Variants in CDADC1 observed in about 807,000 individuals in gnomAD.
CDADC1 encodes cytidine and dCMP deaminase domain containing 1.
A neutral mutation model predicts 54.9 loss-of-function variants in CDADC1; 39 were observed. The ratio of observed to expected loss-of-function variants is 0.71; its 90% CI spans 0.55 to 0.93. The LOEUF (loss-of-function observed/expected upper bound fraction) is 0.93. CDADC1 is among the 40% of genes least tolerant of loss of function. The pLI is 0.00. For synonymous variants in CDADC1, 186 were observed against 204.0 expected (o/e 0.91, Z 0.75); for missense variants, 518 against 618.8 (o/e 0.84, Z 1.73).
In CDADC1 at chr13:49,291,741, G is replaced by A. The variant is rs138113262; in HGVS notation, c.1529G>A (p.Arg510His). The change falls in exon 10 of 10, where the codon CGC (arginine) becomes CAC (histidine). Residue 510 changes from arginine (R) to histidine (H), a missense_variant. Physicochemically the swap from Arg to His is conservative, Grantham distance 29 (BLOSUM62 0). Coordinates refer to ENST00000251108, the MANE Select transcript of CDADC1 (RefSeq NM_030911.4). The stretch of plus-strand genomic sequence containing the variant: ...GAGCAGCACCAGGACAAGAAGCTGC[G>A]CCTCGGAATCCACTAAGAAGGCCTG... ...KEEQHQDKKLRLGIH is the reference protein window; with the variant it reads ...KEEQHQDKKLHLGIH 2.3e-5 allele frequency: 37 copies of A among 1,613,996 alleles called. No homozygotes were observed. The highest frequency in any genetic ancestry group is 1.7e-4 in the Middle Eastern group (1 of 6,060).
At chr13:49,282,544 G>A (rs1028267686) in intron 8 of CDADC1, among the ~76,000 whole-genome samples, 5 of 152,136 alleles carry the variant, frequency 3.3e-5, no homozygotes, top group African/African-American at 1.2e-4. Flanking sequence ...CCTCAAATGA[G>A]AAATAACCAC....
At chr13:49,291,608 C>A in intron 9 of CDADC1, 76 bp from the exon 10 acceptor site, 2 of 1,386,868 alleles carry the variant, frequency 1.4e-6, no homozygotes, top group Non-Finnish European at 2.0e-6. Flanking sequence ...TTTGCTCTTA[C>A]AACATGTAAG....
At chr13:49,266,944 G>C (rs1042685321) in intron 4 of CDADC1, among the ~76,000 whole-genome samples, 1 of 152,126 alleles carries the variant, frequency 6.6e-6, no homozygotes, top group African/African-American at 2.4e-5. Flanking sequence ...AGGACTCTTC[G>C]AGTATATAGT....
chr13:49,248,796 C>T (rs1415767763), intron 1 of CDADC1, 75 bp from the exon 2 acceptor site: 2 of 925,518 alleles, frequency 2.2e-6, no homozygotes, highest in Non-Finnish European at 3.6e-6. Context: ...GCTGCAGCAC[C>T]TAAGTGGCAT....
In CDADC1 at chr13:49,292,364, T is replaced by C. The variant is rs901639610; in HGVS notation, c.*607T>C. The C allele has an allele frequency of 4.1e-6, 4 of 983,814 alleles. No individual in the cohort carries two copies. The African/African-American group carries it at 7.6e-5, about 19-fold the overall frequency. The allele number at this position is 983,814 out of a possible 1,614,324, so 60.9% of individuals were successfully genotyped here. On this transcript the variant is annotated 3_prime_UTR_variant, in exon 10 of 10. Transcript: ENST00000251108. The stretch of plus-strand genomic sequence containing the variant: ...TCTGTGGTCCTGTTTATCACAGACT[T>C]TGGGTAGCAATAGGAAGAGAGTGTT...
intron 4 of CDADC1, among the ~76,000 whole-genome samples, chr13:49,261,433 A>C (rs1952682649): frequency 6.6e-6 from 1 of 152,204 alleles, no homozygotes; most frequent in Non-Finnish European, 1.5e-5. Context: ...CAGATTGGAC[A>C]TGCATTTCAT....
At chr13:49,265,915 T>C in intron 4 of CDADC1, 1 of 1,303,134 alleles carries the variant, frequency 7.7e-7, no homozygotes, top group Non-Finnish European at 1.0e-6. Context: ...AGATGAAAGG[T>C]TTACCATCAC....
intron 6 of CDADC1, among the ~76,000 whole-genome samples, chr13:49,275,692 TATATATA>T (rs1953087249): frequency 5.5e-4 from 9 of 16,292 alleles, no homozygotes; most frequent in East Asian, 3.8e-3. Context: ...CTAGGTGTTA[TATATATA>T]TATATATATA....
chr13:49,288,652 T>G (rs991492417), intron 9 of CDADC1, among the ~76,000 whole-genome samples: 5 of 152,172 alleles, frequency 3.3e-5, no homozygotes, highest in Non-Finnish European at 7.3e-5. Context: ...GACTGGGGCT[T>G]GACTTTTGGG....
chr13:49,268,730 C>G (rs752139985), intron 5 of CDADC1, among the ~76,000 whole-genome samples: 1 of 152,098 alleles, frequency 6.6e-6, no homozygotes, highest in Non-Finnish European at 1.5e-5. Context: ...TTTTGATGTA[C>G]TGAATATTTA....
In CDADC1 at chr13:49,253,860, C is replaced by T. The variant is rs4942808; in HGVS notation, c.178-1979C>T. Among the ~76,000 whole-genome samples the T allele has an allele frequency of 8.3e-3, 1,259 of 152,210 alleles. 48 individuals are homozygous for T. Among genetic ancestry groups the T allele is most frequent in the Admixed American group, 0.065 (997 of 15,274 alleles). On this transcript the variant is annotated intron_variant, in intron 2 of 9. Coordinates refer to ENST00000251108, the MANE Select transcript of CDADC1 (RefSeq NM_030911.4). ...CCGCACCTAGCCTCCTAACTCTTTC[C>T]ATTGTGTCTTCTGGTACCTTATGCT...
intron 9 of CDADC1, among the ~76,000 whole-genome samples, chr13:49,286,782 C>T (rs1307032842): frequency 6.6e-6 from 1 of 152,126 alleles, no homozygotes; most frequent in Non-Finnish European, 1.5e-5. Context: ...GTCTTTAAAG[C>T]TTTATTATTC....
At chr13:49,281,403 A>G (rs977382111) in intron 8 of CDADC1, among the ~76,000 whole-genome samples, 2 of 152,154 alleles carry the variant, frequency 1.3e-5, no homozygotes, top group Non-Finnish European at 2.9e-5. Context: ...GGTTTTGTGG[A>G]AGACAATTTT....
chr13:49,275,537 T>C (rs2138240136), intron 6 of CDADC1, among the ~76,000 whole-genome samples: 1 of 150,964 alleles, frequency 6.6e-6, no homozygotes, highest in Admixed American at 6.6e-5. Flanking sequence ...ATTTGGCACA[T>C]AGAGTAAGCA....
intron 4 of CDADC1, among the ~76,000 whole-genome samples, chr13:49,266,495 CTATT>C (rs1212780055): frequency 3.3e-5 from 5 of 152,092 alleles, no homozygotes; most frequent in Non-Finnish European, 4.4e-5. Context: ...GAAAAATGAT[CTATT>C]TAGTTTGTTG....
chr13:49,265,921 A>T, intron 4 of CDADC1: 1 of 1,303,236 alleles, frequency 7.7e-7, no homozygotes, highest in South Asian at 1.2e-5. Context: ...AAGGTTTACC[A>T]TCACTGCTGG....
intron 4 of CDADC1, among the ~76,000 whole-genome samples, chr13:49,264,300 A>G (rs187912607): frequency 7.0e-4 from 107 of 152,340 alleles, no homozygotes; most frequent in African/African-American, 2.5e-3. Context: ...TAACATGAAG[A>G]GTTTAATTTC....
At position 49,267,518 on chromosome 13, in the gene CDADC1, T is replaced by C; in HGVS notation, c.459T>C (p.Pro153=). The C allele has an allele frequency of 6.2e-7, 1 of 1,613,614 alleles. No homozygotes were observed. Among genetic ancestry groups the C allele is most frequent in the Non-Finnish European group, 8.5e-7 (1 of 1,179,746 alleles). The change falls in exon 5 of 10, where the codon CCT becomes CCC. Residue 153 remains proline, a synonymous_variant. Transcript: ENST00000251108. The part of the protein sequence containing the change: ...NAGVNRISYW[P]ADPEISLLTE... Reference sequence around the variant, plus strand: ...GAGTTAACCGAATTTCATACTGGCCTGCTGATCCAGAAATAAGTTTGCTTA... The same window carrying C: ...GAGTTAACCGAATTTCATACTGGCCCGCTGATCCAGAAATAAGTTTGCTTA...
chr13:49,291,005 C>A (rs1953688306), intron 9 of CDADC1, among the ~76,000 whole-genome samples: 1 of 152,098 alleles, frequency 6.6e-6, no homozygotes, highest in Non-Finnish European at 1.5e-5. Flanking sequence ...GTCCGTCTTC[C>A]TTCCAGTCCC....
Sources: allele counts gnomAD v4.1 joint callset (sites outside exome capture counted in the v4.1 genomes callset), GRCh38; gene constraint gnomAD v4.1.1; transcripts MANE v1.5; gene names NCBI Gene and HGNC (gene_info 2026-07-23, HGNC 2026-07-21).